The following SPPL3 variants were observed in gnomAD, a reference collection of about 807,000 sequenced individuals.
SPPL3 encodes the protein signal peptide peptidase like 3, also known as signal peptide peptidase-like 3.
In SPPL3, 5 loss-of-function variants were observed where a neutral mutation model predicts 42.4. The observed-to-expected ratio is 0.12, with a 90% CI of 0.06 to 0.25. The LOEUF (loss-of-function observed/expected upper bound fraction) is 0.25, where lower values mean the gene tolerates loss of function less well. Ranked by LOEUF, SPPL3 falls within the 10% of genes least tolerant of loss-of-function variation. SPPL3 has a pLI of 1.00. For missense variants in SPPL3, 235 were observed against 489.0 expected (o/e 0.48, Z 4.90); for synonymous variants, 195 against 181.8 (o/e 1.07, Z -0.58).
chr12:120,824,843 T>C (rs1871190235), intron 1 of SPPL3, among the ~76,000 whole-genome samples: 1 of 152,214 alleles, frequency 6.6e-6, no homozygotes, highest in Non-Finnish European at 1.5e-5. Context: ...CTTCTTAAAC[T>C]TTTGACACTG....
chr12:120,820,250 A>G (rs113671650), intron 1 of SPPL3, among the ~76,000 whole-genome samples: 1,954 of 147,670 alleles, frequency 0.013, 34 homozygotes, highest in African/African-American at 0.047. Flanking sequence ...AGAAATGTTC[A>G]TTTTTCCCTT....
intron 1 of SPPL3, among the ~76,000 whole-genome samples, chr12:120,824,271 T>C (rs1871171634): frequency 6.6e-6 from 1 of 152,194 alleles, no homozygotes. Context: ...TGGGACTATT[T>C]CACATTTCTG....
At chr12:120,865,172 C>T (rs1872722470) in intron 1 of SPPL3, among the ~76,000 whole-genome samples, 1 of 152,192 alleles carries the variant, frequency 6.6e-6, no homozygotes, top group Non-Finnish European at 1.5e-5. Flanking sequence ...CACTTTGTGG[C>T]CCTTCAAGAT....
chr12:120,856,760 G>A (rs565470066), intron 1 of SPPL3, among the ~76,000 whole-genome samples: 8 of 152,108 alleles, frequency 5.3e-5, no homozygotes, highest in African/African-American at 1.4e-4. Flanking sequence ...ACAAACTACT[G>A]ACTGCTAAAG....
chr12:120,812,527 C>T (rs1870719220), intron 1 of SPPL3, among the ~76,000 whole-genome samples: 1 of 152,166 alleles, frequency 6.6e-6, no homozygotes, highest in African/African-American at 2.4e-5. Context: ...ACTGAGAGCT[C>T]ATCACCTTCC....
intron 1 of SPPL3, among the ~76,000 whole-genome samples, chr12:120,815,285 A>G (rs1184698920): frequency 6.6e-6 from 1 of 152,226 alleles, no homozygotes; most frequent in South Asian, 2.1e-4. Flanking sequence ...AGTATTGTCT[A>G]ACTTTTGAAT....
chr12:120,862,825 G>A (rs1872649941), intron 1 of SPPL3, among the ~76,000 whole-genome samples: 1 of 152,032 alleles, frequency 6.6e-6, no homozygotes, highest in African/African-American at 2.4e-5. Context: ...TTGAGGGAAG[G>A]GGTTATATTT....
intron 1 of SPPL3, among the ~76,000 whole-genome samples, chr12:120,847,513 G>A (rs1487196598): frequency 6.6e-6 from 1 of 151,900 alleles, no homozygotes; most frequent in Non-Finnish European, 1.5e-5. Context: ...GGCTGGTCTA[G>A]AACTCCTGAG....
At chr12:120,771,488 C>T (rs1471509517) in intron 6 of SPPL3, among the ~76,000 whole-genome samples, 1 of 152,248 alleles carries the variant, frequency 6.6e-6, no homozygotes, top group Non-Finnish European at 1.5e-5. Flanking sequence ...CCTGCAATTA[C>T]ATTTAAGATC....
intron 10 of SPPL3, among the ~76,000 whole-genome samples, chr12:120,765,756 TGA>T (rs1868866613): frequency 6.6e-6 from 1 of 151,962 alleles, no homozygotes; most frequent in Non-Finnish European, 1.5e-5. Context: ...GTGAGTCAAG[TGA>T]GCTGGGCAAG....
At chr12:120,819,491 G>C (rs560118547) in intron 1 of SPPL3, among the ~76,000 whole-genome samples, 3 of 152,234 alleles carry the variant, frequency 2.0e-5, no homozygotes, top group African/African-American at 7.2e-5. Flanking sequence ...TTTTATCATT[G>C]ATAAAAACAC....
chr12:120,868,449 G>A lies in SPPL3; in HGVS notation c.23+35396C>T, dbSNP rs142376132. Among the ~76,000 whole-genome samples, 47 of 132,518 alleles carry A rather than the reference G, an allele frequency of 3.5e-4. 1 individual carries two copies. In the East Asian group the frequency reaches 0.01, roughly 28 times the overall value. The allele number at this position is 132,518 out of a possible 152,430, so 86.9% of individuals were successfully genotyped here. A position where few individuals can be genotyped will look rare whatever the true frequency, so the allele number is the denominator to read the frequency against. On this transcript the variant is annotated intron_variant, in intron 1 of 10. Transcript: ENST00000353487. ...GTCAAGTGGTCAACAGATAGATGGT[G>A]TAGTAATTTCTTTTTTCTTTTTTTT...
At chr12:120,790,351 T>G (rs1015218033) in intron 3 of SPPL3, among the ~76,000 whole-genome samples, 24 of 152,226 alleles carry the variant, frequency 1.6e-4, no homozygotes, top group Admixed American at 1.4e-3. Flanking sequence ...CAAATACAAC[T>G]AGGTTGACAG....
chr12:120,827,262 C>T (rs984542488), intron 1 of SPPL3, among the ~76,000 whole-genome samples: 2 of 150,332 alleles, frequency 1.3e-5, no homozygotes, highest in African/African-American at 4.9e-5. Context: ...ATCCAAGAAG[C>T]CAGACAAAAC....
intron 1 of SPPL3, among the ~76,000 whole-genome samples, chr12:120,868,014 T>C (rs1872808514): frequency 6.6e-6 from 1 of 152,176 alleles, no homozygotes; most frequent in African/African-American, 2.4e-5. Context: ...CCCAAAATGC[T>C]GGGATTACAG....
chr12:120,878,800 C>T (rs1018529784), intron 1 of SPPL3, among the ~76,000 whole-genome samples: 1 of 152,082 alleles, frequency 6.6e-6, no homozygotes, highest in Non-Finnish European at 1.5e-5. Flanking sequence ...TACAGCCTTG[C>T]ATTCCTTGTA....
chr12:120,875,580 G>A (rs1443217871), intron 1 of SPPL3, among the ~76,000 whole-genome samples: 1 of 148,840 alleles, frequency 6.7e-6, no homozygotes, highest in Non-Finnish European at 1.5e-5. Context: ...AGTCAGCCGA[G>A]ACTGTGCCAC....
At chr12:120,885,539 TAGTC>T (rs1284689336) in intron 1 of SPPL3, among the ~76,000 whole-genome samples, 6 of 152,238 alleles carry the variant, frequency 3.9e-5, no homozygotes, top group South Asian at 2.1e-4. Flanking sequence ...AGGCATCTAA[TAGTC>T]AGTAATAATG....
chr12:120,849,691 G>C (rs1382162101), intron 1 of SPPL3, among the ~76,000 whole-genome samples: 1 of 152,148 alleles, frequency 6.6e-6, no homozygotes, highest in Non-Finnish European at 1.5e-5. Context: ...AGCTTGACTA[G>C]TGCACAATAC....
Sources: gnomAD v4.1 joint callset for allele counts (sites outside exome capture counted in the v4.1 genomes callset) on GRCh38, gnomAD v4.1.1 for gene constraint, MANE v1.5 for transcripts, NCBI Gene and HGNC (gene_info 2026-07-23, HGNC 2026-07-21) for gene names.